Variants in FMN1 observed in about 807,000 individuals in gnomAD.
FMN1 encodes the protein formin-1.
Under a neutral mutation model 132.4 loss-of-function variants are expected in FMN1, and 110 were observed. That is an observed-to-expected ratio of 0.83 (90% CI 0.71 to 0.97). The LOEUF (loss-of-function observed/expected upper bound fraction) is 0.97, where lower values mean the gene tolerates loss of function less well. Among genes scored for constraint, FMN1 ranks in the 50% least tolerant of loss-of-function variants. FMN1 has a pLI of 0.00. For missense variants in FMN1, 1,792 were observed against 1,705.3 expected (o/e 1.05, Z -0.90); for synonymous variants, 722 against 651.7 (o/e 1.11, Z -1.64).
chr15:32,965,325 G>A (rs1262263689), intron 8 of FMN1, among the ~76,000 whole-genome samples: 4 of 152,006 alleles, frequency 2.6e-5, no homozygotes, highest in East Asian at 1.9e-4. Context: ...GCTTGAACCC[G>A]GGAGGCAGAG....
intron 17 of FMN1, among the ~76,000 whole-genome samples, chr15:32,805,283 T>C (rs2057638326): frequency 6.6e-6 from 1 of 152,252 alleles, no homozygotes; most frequent in Admixed American, 6.5e-5. Flanking sequence ...TTTTCATGTG[T>C]CTATTGGCTG....
In FMN1 at chr15:32,969,583, C is replaced by CA. The variant is rs1360963531; in HGVS notation, c.2224-107dup. On this transcript the variant is annotated intron_variant, in intron 7 of 20. Coordinates refer to ENST00000616417, the MANE Select transcript of FMN1 (RefSeq NM_001277313.2). The stretch of plus-strand genomic sequence containing the variant: ...CATGGTGCCACTGTAGCATGGCCCA[C>CA]ATAAATGCAGGGAAATACAGAGACA... The CA allele has an allele frequency of 4.0e-6, 5 of 1,244,864 alleles. No homozygotes were observed. The African/African-American group carries it at 7.5e-5, about 19-fold the overall frequency. The allele number at this position is 1,244,864 out of a possible 1,614,324, so 77.1% of individuals were successfully genotyped here.
intron 17 of FMN1, among the ~76,000 whole-genome samples, chr15:32,816,293 A>C (rs896608496): frequency 6.6e-6 from 1 of 152,218 alleles, no homozygotes; most frequent in Non-Finnish European, 1.5e-5. Flanking sequence ...GCTATGACAA[A>C]ATTATAAATA....
chr15:32,894,544 A>G (rs115240317), intron 15 of FMN1, among the ~76,000 whole-genome samples: 221 of 152,164 alleles, frequency 1.5e-3, no homozygotes, highest in African/African-American at 5.1e-3. Context: ...ACCAATGCCA[A>G]GATAATAGGT....
At chr15:33,109,058 T>TGG (rs879299655) in intron 4 of FMN1, among the ~76,000 whole-genome samples, 337 of 152,160 alleles carry the variant, frequency 2.2e-3, no homozygotes, top group Non-Finnish European at 3.9e-3. Context: ...TTGTCATAAC[T>TGG]TTACCATTTA....
chr15:33,101,226 C>G (rs1595471834), intron 4 of FMN1, among the ~76,000 whole-genome samples: 1 of 152,166 alleles, frequency 6.6e-6, no homozygotes, highest in East Asian at 1.9e-4. Context: ...CCAAATCTGG[C>G]ACTGACTATC....
At chr15:33,003,736 G>A (rs1222971326) in intron 7 of FMN1, among the ~76,000 whole-genome samples, 1 of 152,200 alleles carries the variant, frequency 6.6e-6, no homozygotes, top group African/African-American at 2.4e-5. Context: ...GCATTGCCAA[G>A]TCAATCCTAA....
chr15:32,834,871 C>T (rs1567241844), intron 17 of FMN1, among the ~76,000 whole-genome samples: 1 of 152,182 alleles, frequency 6.6e-6, no homozygotes, highest in Non-Finnish European at 1.5e-5. Flanking sequence ...TTCATATTCA[C>T]CACACAGAGA....
intron 4 of FMN1, among the ~76,000 whole-genome samples, chr15:33,139,471 A>G (rs142454086): frequency 2.6e-5 from 4 of 152,122 alleles, no homozygotes; most frequent in Non-Finnish European, 5.9e-5. Context: ...CACACCTATA[A>G]TCCCAACTAC....
chr15:33,123,267 C>G (rs931165578), intron 4 of FMN1, among the ~76,000 whole-genome samples: 6 of 151,994 alleles, frequency 3.9e-5, no homozygotes, highest in Non-Finnish European at 5.9e-5. Flanking sequence ...GCTGCTTAAT[C>G]TTTCCAAATC....
intron 7 of FMN1, among the ~76,000 whole-genome samples, chr15:33,007,009 C>G (rs1159732459): frequency 6.6e-6 from 1 of 152,032 alleles, no homozygotes; most frequent in Non-Finnish European, 1.5e-5. Flanking sequence ...TAGTTCATAA[C>G]CATGTTATTG....
chr15:33,136,546 C>T (rs1397585466), intron 4 of FMN1, among the ~76,000 whole-genome samples: 1 of 152,008 alleles, frequency 6.6e-6, no homozygotes, highest in Non-Finnish European at 1.5e-5. Context: ...TTTGATGAAC[C>T]ATGTTTTAGT....
At chr15:33,051,049 T>A (rs780899456) in intron 6 of FMN1, among the ~76,000 whole-genome samples, 1 of 152,212 alleles carries the variant, frequency 6.6e-6, no homozygotes, top group African/African-American at 2.4e-5. Context: ...TACAAGTGTG[T>A]GAGAAGCAAT....
chr15:33,018,725 G>T (rs2035228061), intron 6 of FMN1, among the ~76,000 whole-genome samples: 1 of 152,148 alleles, frequency 6.6e-6, no homozygotes, highest in African/African-American at 2.4e-5. Flanking sequence ...GGTTCTTAAA[G>T]GTGGCGTGTC....
chr15:32,787,385 T>C (rs944117797), intron 19 of FMN1, among the ~76,000 whole-genome samples: 2 of 152,214 alleles, frequency 1.3e-5, no homozygotes, highest in South Asian at 2.1e-4. Context: ...TCCATGCTCA[T>C]TTTCTCTTCA....
At chr15:33,032,855 A>G (rs1349032459) in intron 6 of FMN1, among the ~76,000 whole-genome samples, 2 of 152,116 alleles carry the variant, frequency 1.3e-5, no homozygotes, top group Admixed American at 6.5e-5. Context: ...GGGTTATTTT[A>G]CTACTGTGTC....
intron 6 of FMN1, among the ~76,000 whole-genome samples, chr15:33,035,608 T>C (rs1157219227): frequency 6.6e-6 from 1 of 152,176 alleles, no homozygotes; most frequent in Non-Finnish European, 1.5e-5. Context: ...TGCTCAAATG[T>C]CAACTTCTCA....
At chr15:32,891,362 C>A (rs1336814535) in intron 15 of FMN1, among the ~76,000 whole-genome samples, 4 of 152,312 alleles carry the variant, frequency 2.6e-5, no homozygotes, top group African/African-American at 9.6e-5. Flanking sequence ...ATTCTCCTGC[C>A]TCAGCCTCCC....
chr15:33,053,307 C>T (rs550137329), intron 6 of FMN1, among the ~76,000 whole-genome samples: 35 of 152,282 alleles, frequency 2.3e-4, no homozygotes, highest in African/African-American at 7.9e-4. Context: ...GCAGGCACCC[C>T]TGCCTGGGCA....
Sources: allele counts gnomAD v4.1 joint callset (sites outside exome capture counted in the v4.1 genomes callset), GRCh38; gene constraint gnomAD v4.1.1; transcripts MANE v1.5; gene names NCBI Gene and HGNC (gene_info 2026-07-23, HGNC 2026-07-21).